The following PUDP variants were observed in gnomAD, a reference collection of about 807,000 sequenced individuals.
PUDP encodes pseudouridine 5'-phosphatase, also known as pseudouridine-5'-phosphatase.
A neutral mutation model predicts 9.4 loss-of-function variants in PUDP; 8 were observed. That is an observed-to-expected ratio of 0.85 (90% CI 0.50 to 1.53). The LOEUF is 1.53. PUDP is among the 40% of genes most tolerant of loss of function. The pLI is 0.00. For missense variants in PUDP, 188 were observed against 189.7 expected (o/e 0.99, Z 0.05); for synonymous variants, 99 against 80.7 (o/e 1.23, Z -1.22).
Position 7,049,971 on chromosome X carries a change from T to C in PUDP, c.*325A>G, listed in dbSNP as rs1157915252. 4 of 206,063 alleles carry C rather than the reference T, an allele frequency of 1.9e-5. No individual in the cohort carries two copies. 17.0% of individuals were successfully genotyped at this position (206,063 alleles called of 1,213,427 possible). ...GCATATTACCAAACTGATACACACA[T>C]GTATATATGGAGGTGTGTGTGTATA... is the stretch of plus-strand genomic sequence containing the variant. On this transcript the variant is annotated 3_prime_UTR_variant, in exon 4 of 4. Transcript: ENST00000381077.
chrX:6,964,058 T>C (rs755576881), intron 3 of PUDP, among the ~76,000 whole-genome samples: 1 of 112,255 alleles, frequency 8.9e-6, no homozygotes, highest in Non-Finnish European at 1.9e-5. Flanking sequence ...AGAAGCATTC[T>C]AGGAAGTAAA....
intron 3 of PUDP, among the ~76,000 whole-genome samples, chrX:6,748,944 C>T (rs888667568): frequency 2.7e-5 from 3 of 109,491 alleles, no homozygotes; most frequent in Non-Finnish European, 5.7e-5. Flanking sequence ...GAAAGGTTGG[C>T]GATAAAGAAG....
chrX:6,776,894 A>AT (rs1218359038), intron 3 of PUDP, among the ~76,000 whole-genome samples: 2 of 112,496 alleles, frequency 1.8e-5, no homozygotes, highest in African/African-American at 6.5e-5. Context: ...TTGACAATAA[A>AT]TATTTCCACA....
intron 2 of PUDP, among the ~76,000 whole-genome samples, chrX:7,105,408 A>C (rs1410224663): frequency 9.0e-6 from 1 of 111,592 alleles, no homozygotes; most frequent in Non-Finnish European, 1.9e-5. Flanking sequence ...AAACTAACGC[A>C]TATTATTTTA....
intron 3 of PUDP, among the ~76,000 whole-genome samples, chrX:6,846,123 A>T (rs1926741201): frequency 8.9e-6 from 1 of 111,853 alleles, no homozygotes; most frequent in Non-Finnish European, 1.9e-5. Context: ...TTTTGGAAAC[A>T]TTGGAAATTT....
intron 1 of PUDP, chrX:7,116,825 T>C: frequency 1.0e-6 from 1 of 969,722 alleles, no homozygotes; most frequent in Admixed American, 3.2e-5. Context: ...ATCCTTCGCT[T>C]GGGCCATCCT....
chrX:6,784,293 T>C (rs766070653), intron 3 of PUDP, among the ~76,000 whole-genome samples: 3 of 112,073 alleles, frequency 2.7e-5, no homozygotes, highest in South Asian at 7.5e-4. Flanking sequence ...TCATTTCTTA[T>C]ATTTGCAAGC....
chrX:7,078,733 CAG>C (rs1930992137), intron 2 of PUDP, among the ~76,000 whole-genome samples: 1 of 112,190 alleles, frequency 8.9e-6, no homozygotes, highest in Non-Finnish European at 1.9e-5. Flanking sequence ...GATAAGGTAA[CAG>C]ATATCTGGAG....
At chrX:6,818,009 C>T (rs1926279109) in intron 3 of PUDP, among the ~76,000 whole-genome samples, 1 of 111,981 alleles carries the variant, frequency 8.9e-6, no homozygotes, top group African/African-American at 3.2e-5. Flanking sequence ...GTGTGTGTCG[C>T]TATTTCCACC....
At chrX:7,093,265 C>T (rs1159181660) in intron 2 of PUDP, among the ~76,000 whole-genome samples, 1 of 111,678 alleles carries the variant, frequency 9.0e-6, no homozygotes, top group Non-Finnish European at 1.9e-5. Flanking sequence ...GGTCTGGAGG[C>T]AGGGAACCGA....
chrX:6,854,743 T>C (rs377571435), intron 3 of PUDP, among the ~76,000 whole-genome samples: 2 of 110,320 alleles, frequency 1.8e-5, no homozygotes, highest in African/African-American at 6.6e-5. Context: ...TGGATCATCA[T>C]AAAGGTCTTC....
At chrX:6,924,904 G>A (rs756471530) in intron 3 of PUDP, among the ~76,000 whole-genome samples, 39 of 112,587 alleles carry the variant, frequency 3.5e-4, no homozygotes, top group African/African-American at 1.3e-3. Context: ...TTGGCTATGC[G>A]CATCTCAGAT....
chrX:7,128,557 AC>A (rs1267828102), intron 1 of PUDP, among the ~76,000 whole-genome samples: 1 of 111,089 alleles, frequency 9.0e-6, no homozygotes, highest in Non-Finnish European at 1.9e-5. Context: ...AGGGCTAGGG[AC>A]CCAATGGCAC....
At chrX:7,018,256 C>T (rs761942130) in intron 1 of PUDP, among the ~76,000 whole-genome samples, 5 of 111,665 alleles carry the variant, frequency 4.5e-5, no homozygotes, top group South Asian at 3.8e-4. Flanking sequence ...TCTTTCTTGG[C>T]GAGATCCAAG....
chrX:7,130,118 G>C (rs1932581584), intron 1 of PUDP, among the ~76,000 whole-genome samples: 1 of 111,486 alleles, frequency 9.0e-6, no homozygotes, highest in African/African-American at 3.3e-5. Flanking sequence ...AAGGAGGACT[G>C]GGCCCTCTAC....
At chrX:7,113,673 C>G (rs975490442) in intron 1 of PUDP, among the ~76,000 whole-genome samples, 21 of 112,323 alleles carry the variant, frequency 1.9e-4, no homozygotes, top group African/African-American at 6.5e-4. Context: ...TACATAGTAG[C>G]TAATCAGTAA....
At chrX:6,854,688 C>T (rs7888008) in intron 3 of PUDP, among the ~76,000 whole-genome samples, 2,755 of 110,637 alleles carry the variant, frequency 0.025, 73 homozygotes, top group African/African-American at 0.084. Context: ...TTATTAAGAA[C>T]GTTATAAGAA....
intron 3 of PUDP, among the ~76,000 whole-genome samples, chrX:6,972,390 C>A (rs1928890491): frequency 8.9e-6 from 1 of 111,932 alleles, no homozygotes; most frequent in Admixed American, 9.5e-5. Flanking sequence ...CCATCAATAC[C>A]TAGTTTATTG....
intron 2 of PUDP, among the ~76,000 whole-genome samples, chrX:7,089,131 G>A (rs1318193474): frequency 9.0e-6 from 1 of 111,236 alleles, no homozygotes; most frequent in African/African-American, 3.3e-5. Flanking sequence ...GGGCTGAGCC[G>A]CCAGGCAGAT....
Sources: gnomAD v4.1 joint callset for allele counts (sites outside exome capture counted in the v4.1 genomes callset) on GRCh38, gnomAD v4.1.1 for gene constraint, MANE v1.5 for transcripts, NCBI Gene and HGNC (gene_info 2026-07-23, HGNC 2026-07-21) for gene names.